The following DNAJC1 variants were observed in gnomAD, a reference collection of about 807,000 sequenced individuals.
DNAJC1 encodes DnaJ heat shock protein family (Hsp40) member C1.
DNAJC1 carries 58 observed loss-of-function variants against 76.6 expected under a neutral mutation model. That is an observed-to-expected ratio of 0.76 (90% CI 0.61 to 0.94). The LOEUF (loss-of-function observed/expected upper bound fraction) is 0.94, where lower values mean the gene tolerates loss of function less well. Among genes scored for constraint, DNAJC1 ranks in the 40% least tolerant of loss-of-function variants. The pLI, the probability that DNAJC1 is intolerant of heterozygous loss-of-function variation, is 0.00. For synonymous variants in DNAJC1, 258 were observed against 267.9 expected (o/e 0.96, Z 0.36); for missense variants, 689 against 677.3 (o/e 1.02, Z -0.19).
chr10:21,870,087 A>G (rs1836077741), intron 8 of DNAJC1, among the ~76,000 whole-genome samples: 6 of 152,056 alleles, frequency 3.9e-5, no homozygotes, highest in Admixed American at 3.9e-4. Context: ...ATAACAAAGA[A>G]TAATATTTCA....
intron 8 of DNAJC1, among the ~76,000 whole-genome samples, chr10:21,842,286 A>G (rs1369812888): frequency 6.6e-6 from 1 of 152,108 alleles, no homozygotes; most frequent in Non-Finnish European, 1.5e-5. Flanking sequence ...AGAGAAGCAA[A>G]TAGGATGAAC....
chr10:21,889,962 C>T (rs1836434365), intron 7 of DNAJC1, among the ~76,000 whole-genome samples: 2 of 152,166 alleles, frequency 1.3e-5, no homozygotes, highest in African/African-American at 2.4e-5. Flanking sequence ...AGGCACCCAA[C>T]CTCCCCACCA....
intron 1 of DNAJC1, among the ~76,000 whole-genome samples, chr10:21,969,688 G>GT (rs1253888232): frequency 2.0e-5 from 3 of 152,172 alleles, no homozygotes; most frequent in Non-Finnish European, 2.9e-5. Flanking sequence ...AGCATTGGCA[G>GT]TATGTTTTCT....
rs567757987 is a variant in DNAJC1, at chr10:21,757,054, T to C, written c.1597-299A>G. The stretch of plus-strand genomic sequence containing the variant: ...GGGTCTTTCAGCCTGCTAACTCTTA[T>C]TTTCATGTTAACACTTCACTCTTTT... On this transcript the variant is annotated intron_variant, in intron 11 of 11. Coordinates refer to ENST00000376980, the MANE Select transcript of DNAJC1 (RefSeq NM_022365.4). Among the ~76,000 whole-genome samples the C allele has an allele frequency of 2.6e-5, 4 of 152,350 alleles. No individual in the cohort carries two copies. In the East Asian group the frequency reaches 7.7e-4, roughly 29 times the overall value.
At chr10:21,827,212 G>C (rs1367093113) in intron 8 of DNAJC1, among the ~76,000 whole-genome samples, 1 of 152,066 alleles carries the variant, frequency 6.6e-6, no homozygotes, top group Non-Finnish European at 1.5e-5. Context: ...ACTACCACTT[G>C]CTTACTGGAG....
At chr10:21,901,907 T>C (rs1394782521) in intron 7 of DNAJC1, among the ~76,000 whole-genome samples, 2 of 152,236 alleles carry the variant, frequency 1.3e-5, no homozygotes, top group Non-Finnish European at 2.9e-5. Context: ...TTGGGGCCTT[T>C]ATGTATTAAT....
intron 8 of DNAJC1, among the ~76,000 whole-genome samples, chr10:21,849,292 CAAAAAAAAAAAA>C (rs33953332): frequency 1.7e-4 from 6 of 35,872 alleles, no homozygotes; most frequent in South Asian, 1.6e-3. Flanking sequence ...GACTCCGCCT[CAAAAAAAAAAAA>C]AAAAAAAAAA....
At chr10:21,877,302 A>G (rs1302012440) in intron 8 of DNAJC1, among the ~76,000 whole-genome samples, 1 of 9,888 alleles carries the variant, frequency 1.0e-4, no homozygotes, top group East Asian at 0.1. Context: ...ATATATACAT[A>G]TATATATATA....
chr10:21,916,930 T>C (rs888302361), intron 6 of DNAJC1, among the ~76,000 whole-genome samples: 2 of 152,072 alleles, frequency 1.3e-5, no homozygotes, highest in African/African-American at 4.8e-5. Flanking sequence ...AGAATAAAAA[T>C]ATCAAATATT....
rs373435050 is a variant in DNAJC1, at chr10:21,994,669, T to C, written c.222+8544A>G. 1.8e-4 allele frequency among the ~76,000 whole-genome samples: 28 copies of C among 151,982 alleles called. 1 individual carries two copies. In the East Asian group the frequency reaches 3.9e-3, roughly 21 times the overall value. On this transcript the variant is annotated intron_variant, in intron 1 of 11. Coordinates refer to ENST00000376980, the MANE Select transcript of DNAJC1 (RefSeq NM_022365.4). Reference sequence around the variant, plus strand: ...AGACAGGCATGGTGGCGGGCGCCTGTAGTCCCAGCTACTGGGGAGGCTGAG... The same window carrying C: ...AGACAGGCATGGTGGCGGGCGCCTGCAGTCCCAGCTACTGGGGAGGCTGAG...
At chr10:21,999,893 C>T (rs1374779527) in intron 1 of DNAJC1, among the ~76,000 whole-genome samples, 1 of 152,148 alleles carries the variant, frequency 6.6e-6, no homozygotes, top group East Asian at 1.9e-4. Flanking sequence ...CTCCCAAATT[C>T]CTATCTACAG....
chr10:21,842,896 G>C (rs995084688), intron 8 of DNAJC1, among the ~76,000 whole-genome samples: 1 of 152,328 alleles, frequency 6.6e-6, no homozygotes, highest in Middle Eastern at 3.4e-3. Flanking sequence ...TAAACTTCAT[G>C]AGAGCAGGGG....
At chr10:21,979,104 TAA>T (rs1262329008) in intron 1 of DNAJC1, among the ~76,000 whole-genome samples, 1 of 151,932 alleles carries the variant, frequency 6.6e-6, no homozygotes, top group Non-Finnish European at 1.5e-5. Flanking sequence ...TGATCCAAGA[TAA>T]GTTTTCTTGC....
At chr10:21,855,705 C>T (rs1835823399) in intron 8 of DNAJC1, among the ~76,000 whole-genome samples, 1 of 152,052 alleles carries the variant, frequency 6.6e-6, no homozygotes, top group Admixed American at 6.6e-5. Context: ...ACAATAAAAC[C>T]GTTTAGGTAG....
intron 8 of DNAJC1, among the ~76,000 whole-genome samples, chr10:21,844,772 C>T (rs574082205): frequency 2.0e-5 from 3 of 152,222 alleles, no homozygotes; most frequent in Non-Finnish European, 4.4e-5. Context: ...CAGTGACTCA[C>T]GCCTGCAATC....
intron 9 of DNAJC1, among the ~76,000 whole-genome samples, chr10:21,771,031 AT>A (rs1333657956): frequency 1.3e-5 from 2 of 152,134 alleles, no homozygotes; most frequent in African/African-American, 4.8e-5. Flanking sequence ...CTTTTAATTT[AT>A]TCCTGAGTAT....
At position 21,904,537 on chromosome 10, in the gene DNAJC1, G is replaced by C; in HGVS notation, c.805C>G (p.Leu269Val). ...TAAAACTCACTTTGAAGTGTTTCAA[G>C]TTCAGTTCTAGTCAGTGCATCTTCC... ...EKEDALTRTE[L>V]ETLQKQKKVK... The change falls in exon 7 of 12, where the codon CTT becomes GTT. Residue 269 changes from leucine to valine, a missense_variant. Leu to Val is a conservative substitution (Grantham distance 32). Transcript: ENST00000376980. 1 of 1,583,628 alleles carries C rather than the reference G, an allele frequency of 6.3e-7. No individual in the cohort carries two copies. The highest frequency in any genetic ancestry group is 8.6e-7 in the Non-Finnish European group (1 of 1,166,030).
intron 8 of DNAJC1, among the ~76,000 whole-genome samples, chr10:21,836,121 G>T (rs367774294): frequency 4.0e-4 from 61 of 152,266 alleles, no homozygotes; most frequent in South Asian, 2.5e-3. Flanking sequence ...GACTAACAGC[G>T]GATCTCTCGG....
intron 8 of DNAJC1, among the ~76,000 whole-genome samples, chr10:21,829,924 T>G (rs768767942): frequency 6.6e-6 from 1 of 152,240 alleles, no homozygotes; most frequent in East Asian, 1.9e-4. Context: ...TCAATTGGCT[T>G]GGAAGTTCTA....
Sources: gnomAD v4.1 joint callset for allele counts (sites outside exome capture counted in the v4.1 genomes callset) on GRCh38, gnomAD v4.1.1 for gene constraint, MANE v1.5 for transcripts, NCBI Gene and HGNC (gene_info 2026-07-23, HGNC 2026-07-21) for gene names.